FCN1: variants seen among roughly 807,000 people sequenced by gnomAD.
FCN1 encodes the protein ficolin-1.
FCN1 carries 42 observed loss-of-function variants against 35.6 expected under a neutral mutation model. The ratio of observed to expected loss-of-function variants is 1.18; its 90% confidence interval spans 0.92 to 1.53. The LOEUF (loss-of-function observed/expected upper bound fraction) is 1.53. FCN1 is among the 40% of genes most tolerant of loss of function. The pLI, the probability that FCN1 is intolerant of heterozygous loss-of-function variation, is 0.00. For missense variants in FCN1, 439 were observed against 428.4 expected, an observed-to-expected ratio of 1.02 and a Z score of -0.22; for synonymous variants, 179 against 169.8, an observed-to-expected ratio of 1.05 and a Z score of -0.42.
At position 134,909,793 on chromosome 9, in the gene FCN1, C is replaced by T. The variant is rs749133890; in HGVS notation, c.*5G>A. 4.3e-6 allele frequency: 7 copies of T among 1,611,920 alleles called. No homozygotes were observed. The Admixed American group carries it at 1.2e-4, about 27-fold the overall frequency. On this transcript the variant is annotated 3_prime_UTR_variant, in exon 9 of 9. Transcript: ENST00000371806. Reference sequence around the variant, plus strand: ...GCAGGTGCATGTGGAGGGGTCCTGGCCCGTCTAGGCGGGCCGCACCTTCAT... The same window carrying T: ...GCAGGTGCATGTGGAGGGGTCCTGGTCCGTCTAGGCGGGCCGCACCTTCAT...
At chr9:134,915,743 G>A (rs945231523) in intron 2 of FCN1, among the ~76,000 whole-genome samples, 12 of 152,182 alleles carry the variant, frequency 7.9e-5, no homozygotes, top group South Asian at 2.1e-4. Flanking sequence ...CTAAGGCAGC[G>A]CCCTTTCTGA....
chr9:134,917,742 G>C, intron 1 of FCN1, 27 bp downstream of exon 1: 5 of 1,513,150 alleles, frequency 3.3e-6, no homozygotes, highest in Non-Finnish European at 3.7e-6. Flanking sequence ...CAGCTTTTAG[G>C]GACCAGAAAA....
At chr9:134,912,646 G>C in intron 6 of FCN1, 31 bp from the exon 7 acceptor site, 1 of 1,613,862 alleles carries the variant, frequency 6.2e-7, no homozygotes, top group Non-Finnish European at 8.5e-7. Context: ...AGAGTTAGGC[G>C]GGGCAGGCCG....
In FCN1 at chr9:134,909,617, CAT is replaced by C. The variant is rs761992771; in HGVS notation, c.*179_*180del. ...GTCCCAAAGTAAACATATTTAGAAACATAATTCTCCCTCTGGTGAGGTTGTGG... is the reference window on the plus strand; with the variant it reads ...GTCCCAAAGTAAACATATTTAGAAACAATTCTCCCTCTGGTGAGGTTGTGG... On this transcript the variant is annotated 3_prime_UTR_variant, in exon 9 of 9. Coordinates refer to ENST00000371806, the MANE Select transcript of FCN1 (RefSeq NM_002003.5). 31 of 1,551,068 alleles carry C rather than the reference CAT, an allele frequency of 2.0e-5. No homozygotes were observed. The highest frequency in any genetic ancestry group is 2.5e-5 in the Non-Finnish European group (29 of 1,152,696).
At position 134,908,636 on chromosome 9, in the gene FCN1, G is replaced by A. The variant is rs2118931014; in HGVS notation, c.*1162C>T. 1 of 154,464 alleles carries A rather than the reference G, an allele frequency of 6.5e-6. No homozygotes were observed. Among genetic ancestry groups the A allele is most frequent in the East Asian group, 1.9e-4 (1 of 5,218 alleles). The allele number at this position is 154,464 out of a possible 1,614,324, so 9.6% of individuals were successfully genotyped here. On this transcript the variant is annotated 3_prime_UTR_variant, in exon 9 of 9. Transcript: ENST00000371806. ...AGAGATGTGGTGCTGCTGGCTTTGGGGTTGGGGGAAGGAGTCCGGGCCAAT... is the reference window on the plus strand; with the variant it reads ...AGAGATGTGGTGCTGCTGGCTTTGGAGTTGGGGGAAGGAGTCCGGGCCAAT...
rs201869561 is a variant in FCN1 at position 134,905,807 on chromosome 9, TTCC to T, written c.*3988_*3990del. 264 of 82,392 alleles carry T rather than the reference TTCC, an allele frequency of 3.2e-3. 29 individuals carry two copies. The highest frequency in any genetic ancestry group is 0.012 in the African/African-American group (120 of 10,124). The allele number at this position is 82,392 out of a possible 1,614,324, so 5.1% of individuals were successfully genotyped here. On this transcript the variant is annotated 3_prime_UTR_variant, in exon 9 of 9. Coordinates refer to ENST00000371806, the MANE Select transcript of FCN1 (RefSeq NM_002003.5). ...CCGCTGCTGCTGCTTCTTCTTCTTC[TTCC>T]TCTTCTTCTTCTTCTTCCTCTTCCT...
chr9:134,911,300 T>C, intron 7 of FCN1, 33 bp from the exon 8 acceptor site: 1 of 1,610,038 alleles, frequency 6.2e-7, no homozygotes. Context: ...CCCCAGCCTT[T>C]AAGATCTTTC....
chr9:134,910,938 CAT>C (rs1340070125), intron 8 of FCN1, among the ~76,000 whole-genome samples, 193 bp downstream of exon 8: 13 of 152,242 alleles, frequency 8.5e-5, no homozygotes, highest in Admixed American at 4.6e-4. Context: ...GTGCGGCAGA[CAT>C]AGCCTTAGGA....
chr9:134,907,578 G>T lies in FCN1; in HGVS notation c.*2220C>A, dbSNP rs1006914127. The T allele has an allele frequency of 6.6e-6, 1 of 152,124 alleles. No homozygotes were observed. The highest frequency in any genetic ancestry group is 1.5e-5 in the Non-Finnish European group (1 of 68,028). The allele number at this position is 152,124 out of a possible 1,614,324, so 9.4% of individuals were successfully genotyped here. A position where few individuals can be genotyped will look rare whatever the true frequency, so the allele number is the denominator to read the frequency against. On this transcript the variant is annotated 3_prime_UTR_variant, in exon 9 of 9. Coordinates refer to ENST00000371806, the MANE Select transcript of FCN1 (RefSeq NM_002003.5). ...CCCTGTCCCTTCCCAGTCACCATGTGGTCCCACCCTCAAATACAATCACTT... is the reference window on the plus strand; with the variant it reads ...CCCTGTCCCTTCCCAGTCACCATGTTGTCCCACCCTCAAATACAATCACTT...
intron 7 of FCN1, among the ~76,000 whole-genome samples, chr9:134,911,825 G>A (rs1403822431): frequency 6.6e-6 from 1 of 152,208 alleles, no homozygotes; most frequent in East Asian, 1.9e-4. Flanking sequence ...TTCACTGGGT[G>A]GAAGGGAGCA....
intron 4 of FCN1, among the ~76,000 whole-genome samples, chr9:134,914,008 GC>G (rs552398089): frequency 1.3e-5 from 2 of 152,224 alleles, no homozygotes; most frequent in Admixed American, 1.3e-4. Flanking sequence ...CGGACCCTCA[GC>G]CCCCGGCTCC....
In FCN1 at chr9:134,909,613, G is replaced by T. The variant is rs770688747; in HGVS notation, c.*185C>A. On this transcript the variant is annotated 3_prime_UTR_variant, in exon 9 of 9. Coordinates refer to ENST00000371806, the MANE Select transcript of FCN1 (RefSeq NM_002003.5). ...TTCTGTCCCAAAGTAAACATATTTA[G>T]AAACATAATTCTCCCTCTGGTGAGG... 1.3e-6 allele frequency: 2 copies of T among 1,542,446 alleles called. No homozygotes were observed. Among genetic ancestry groups the T allele is most frequent in the Non-Finnish European group, 1.7e-6 (2 of 1,147,712 alleles).
chr9:134,916,541 T>G (rs1043533806), intron 1 of FCN1, 80 bp from the exon 2 acceptor site: 46 of 1,393,442 alleles, frequency 3.3e-5, no homozygotes, highest in Non-Finnish European at 4.5e-5. Flanking sequence ...TGCTGGGGCC[T>G]TGGTCTGTCC....
At chr9:134,913,515 C>G in intron 5 of FCN1, 66 bp downstream of exon 5, 1 of 1,308,468 alleles carries the variant, frequency 7.6e-7, no homozygotes, top group Non-Finnish European at 1.1e-6. Flanking sequence ...GTAGCGTGAA[C>G]GTGTGCAGCT....
At position 134,909,338 on chromosome 9, in the gene FCN1, G is replaced by C; in HGVS notation, c.*460C>G. ...TTTCAAGAAGTGTGAAGTGTTGTGA[G>C]TGAGGCATGGGGGGATGGGGGAGGC... On this transcript the variant is annotated 3_prime_UTR_variant, in exon 9 of 9. Coordinates refer to ENST00000371806, the MANE Select transcript of FCN1 (RefSeq NM_002003.5). 1.3e-5 allele frequency: 17 copies of C among 1,289,570 alleles called. No homozygotes were observed. The highest frequency in any genetic ancestry group is 1.7e-5 in the Non-Finnish European group (17 of 988,856). The allele number at this position is 1,289,570 out of a possible 1,614,324, so 79.9% of individuals were successfully genotyped here.
rs1830958132 is a variant in FCN1, at chr9:134,906,400, A to T, written c.*3398T>A. The T allele has an allele frequency of 6.6e-6, 1 of 152,220 alleles. No individual in the cohort carries two copies. 9.4% of individuals were successfully genotyped at this position (152,220 alleles called of 1,614,324 possible). A position where few individuals can be genotyped will look rare whatever the true frequency, so the allele number is the denominator to read the frequency against. ...CTTTTTAGAGCTTTTGGATACCATAAATTTAGTTCTTTAAATAACTTCAAA... is the reference window on the plus strand; with the variant it reads ...CTTTTTAGAGCTTTTGGATACCATATATTTAGTTCTTTAAATAACTTCAAA... On this transcript the variant is annotated 3_prime_UTR_variant, in exon 9 of 9. Coordinates refer to ENST00000371806, the MANE Select transcript of FCN1 (RefSeq NM_002003.5).
rs572990576 is a variant in FCN1, at chr9:134,905,488, G to A, written c.*4310C>T. On this transcript the variant is annotated 3_prime_UTR_variant, in exon 9 of 9. Transcript: ENST00000371806. Reference sequence around the variant, plus strand: ...CTTCATCTCTTCATAAGCTTGCTTTGCTTCTTTTATTTTGAGACAGAGTCT... The same window carrying A: ...CTTCATCTCTTCATAAGCTTGCTTTACTTCTTTTATTTTGAGACAGAGTCT... 6.6e-5 allele frequency among the ~76,000 whole-genome samples: 10 copies of A among 152,038 alleles called. No homozygotes were observed. The highest frequency in any genetic ancestry group is 1.5e-4 in the Non-Finnish European group (10 of 67,990).
chr9:134,914,889 A>G, intron 2 of FCN1, 80 bp from the exon 3 acceptor site: 2 of 1,100,460 alleles, frequency 1.8e-6, no homozygotes, highest in Non-Finnish European at 2.7e-6. Context: ...CAAGTGGTTA[A>G]GTCCTGACCC....
intron 2 of FCN1, 93 bp downstream of exon 2, chr9:134,916,255 G>A (rs536134710): frequency 1.1e-5 from 11 of 973,302 alleles, no homozygotes; most frequent in South Asian, 1.1e-4. Flanking sequence ...AGGAACCACG[G>A]TGGGGGTGTT....
Sources: gnomAD v4.1 joint callset for allele counts (sites outside exome capture counted in the v4.1 genomes callset) on GRCh38, gnomAD v4.1.1 for gene constraint, MANE v1.5 for transcripts, NCBI Gene and HGNC (gene_info 2026-07-23, HGNC 2026-07-21) for gene names.